The following FHOD3 variants were observed in gnomAD, a reference collection of about 807,000 sequenced individuals.
FHOD3 encodes FH1/FH2 domain-containing protein 3.
FHOD3 carries 90 observed loss-of-function variants against 173.0 expected under a neutral mutation model. The observed-to-expected ratio is 0.52, with a 90% CI of 0.44 to 0.62. The LOEUF (loss-of-function observed/expected upper bound fraction) is 0.62, where lower values mean the gene tolerates loss of function less well. Among genes scored for constraint, FHOD3 ranks in the 20% least tolerant of loss-of-function variants. The pLI is 0.00. For missense variants in FHOD3, 1,945 were observed against 2,034.7 expected (o/e 0.96, Z 0.85); for synonymous variants, 828 against 823.0 (o/e 1.01, Z -0.10).
At chr18:36,476,846 T>C (rs1204991840) in intron 3 of FHOD3, among the ~76,000 whole-genome samples, 1 of 152,192 alleles carries the variant, frequency 6.6e-6, no homozygotes, top group Non-Finnish European at 1.5e-5. Flanking sequence ...AGGGACTCTT[T>C]GAGCACTTTC....
chr18:36,354,456 A>C (rs957951887), intron 1 of FHOD3, among the ~76,000 whole-genome samples: 5 of 152,318 alleles, frequency 3.3e-5, no homozygotes, highest in African/African-American at 1.2e-4. Flanking sequence ...CCCATGTACA[A>C]ATGTTTAGAA....
intron 6 of FHOD3, among the ~76,000 whole-genome samples, chr18:36,578,546 C>G (rs985390130): frequency 6.6e-6 from 1 of 152,166 alleles, no homozygotes; most frequent in Admixed American, 6.5e-5. Context: ...CACTGCCCAC[C>G]CCCACTAGAG....
chr18:36,389,513 T>G (rs1176864397), intron 3 of FHOD3, among the ~76,000 whole-genome samples: 3 of 152,206 alleles, frequency 2.0e-5, no homozygotes, highest in Non-Finnish European at 1.5e-5. Flanking sequence ...ACTGGGCTTT[T>G]GGGCTGGACT....
intron 3 of FHOD3, among the ~76,000 whole-genome samples, chr18:36,376,510 A>T (rs1217930942): frequency 6.6e-6 from 1 of 152,216 alleles, no homozygotes; most frequent in Non-Finnish European, 1.5e-5. Context: ...CTTTAGAGGC[A>T]TTTCAGAATC....
At chr18:36,543,031 G>A (rs2057284895) in intron 5 of FHOD3, among the ~76,000 whole-genome samples, 1 of 152,088 alleles carries the variant, frequency 6.6e-6, no homozygotes, top group Non-Finnish European at 1.5e-5. Context: ...CCATTATGTG[G>A]GTGAACCACA....
intron 20 of FHOD3, 44 bp from the exon 21 acceptor site, chr18:36,740,612 T>C: frequency 6.7e-7 from 1 of 1,497,044 alleles, no homozygotes; most frequent in South Asian, 1.2e-5. Context: ...CAGGGGAGGG[T>C]CCATCACTAA....
rs1238812793 is a variant in FHOD3 at position 36,744,111 on chromosome 18, A to G, written c.3959A>G (p.His1320Arg). Residue 1320 changes from histidine to arginine, a missense_variant, in exon 23 of 29, where the codon CAT becomes CGT. His to Arg is a conservative substitution (Grantham distance 29). Coordinates refer to ENST00000590592, the MANE Select transcript of FHOD3 (RefSeq NM_001281740.3). ...DTVHKQSLLH[H>R]VCTMVVENFP... ...GTGCACAAGCAGTCGCTTCTCCACC[A>G]TGTGTGCACCATGGTGGTAGAAAAC... 1.2e-6 allele frequency: 2 copies of G among 1,614,012 alleles called. No individual in the cohort carries two copies. The highest frequency in any genetic ancestry group is 2.2e-5 in the East Asian group (1 of 44,844).
intron 3 of FHOD3, among the ~76,000 whole-genome samples, chr18:36,497,602 G>A (rs1384238109): frequency 6.6e-6 from 1 of 152,124 alleles, no homozygotes; most frequent in Non-Finnish European, 1.5e-5. Context: ...ATATTGACAG[G>A]GATGAAGAGA....
rs183199761 is a variant in FHOD3 at position 36,360,817 on chromosome 18, G to A, written c.272+5172G>A. On this transcript the variant is annotated intron_variant, in intron 2 of 28. Transcript: ENST00000590592. ...GCCTCTCAAAATATCAGGTTTGAAG[G>A]AATGAAAGCAATTTCTTCTTCTTAT... Among the ~76,000 whole-genome samples the A allele has an allele frequency of 1.4e-3, 218 of 152,308 alleles. 3 individuals carry two copies. The highest frequency in any genetic ancestry group is 5.1e-3 in the African/African-American group (211 of 41,572).
intron 5 of FHOD3, among the ~76,000 whole-genome samples, chr18:36,558,677 G>A (rs914916177): frequency 3.3e-5 from 5 of 152,034 alleles, no homozygotes; most frequent in African/African-American, 9.7e-5. Context: ...AAAGGAGAGG[G>A]GTTAAGATCA....
At chr18:36,392,518 C>T (rs1721821603) in intron 3 of FHOD3, among the ~76,000 whole-genome samples, 1 of 152,152 alleles carries the variant, frequency 6.6e-6, no homozygotes, top group African/African-American at 2.4e-5. Context: ...TGAACTGTGT[C>T]TGCTAAGAAA....
At chr18:36,469,781 C>T (rs946335486) in intron 3 of FHOD3, among the ~76,000 whole-genome samples, 4 of 147,802 alleles carry the variant, frequency 2.7e-5, no homozygotes, top group South Asian at 2.3e-4. Flanking sequence ...GAGTTGTGGG[C>T]GCTAGCAAGC....
At chr18:36,537,492 G>T (rs923692943) in intron 5 of FHOD3, among the ~76,000 whole-genome samples, 4 of 152,120 alleles carry the variant, frequency 2.6e-5, no homozygotes, top group African/African-American at 7.2e-5. Context: ...TCCACCTGGT[G>T]GTAATGGTTA....
intron 2 of FHOD3, among the ~76,000 whole-genome samples, chr18:36,369,496 C>T (rs375819402): frequency 0.083 from 8,730 of 105,612 alleles, 411 homozygotes; most frequent in South Asian, 0.22. Context: ...CACACACACA[C>T]ACATATATAT....
chr18:36,604,093 AG>A (rs1202636439), intron 8 of FHOD3, among the ~76,000 whole-genome samples: 1 of 152,082 alleles, frequency 6.6e-6, no homozygotes, highest in Non-Finnish European at 1.5e-5. Context: ...CTCTGAAACA[AG>A]GGGGCCCATG....
intron 18 of FHOD3, among the ~76,000 whole-genome samples, chr18:36,714,510 C>A (rs1350082984): frequency 6.6e-6 from 1 of 152,180 alleles, no homozygotes; most frequent in East Asian, 1.9e-4. Context: ...GCACTCCAGT[C>A]TGGGCGACAC....
intron 8 of FHOD3, among the ~76,000 whole-genome samples, chr18:36,608,775 T>TGTCAGTA (rs1393067600): frequency 6.6e-6 from 1 of 152,228 alleles, no homozygotes. Flanking sequence ...GGCTGGCTTC[T>TGTCAGTA]GTCAGTATAA....
At chr18:36,404,705 G>C (rs1309658697) in intron 3 of FHOD3, among the ~76,000 whole-genome samples, 1 of 152,124 alleles carries the variant, frequency 6.6e-6, no homozygotes, top group South Asian at 2.1e-4. Flanking sequence ...GTGGCTATTG[G>C]GGGGCTCAAG....
At chr18:36,356,030 G>A (rs80208718) in intron 2 of FHOD3, among the ~76,000 whole-genome samples, 2,126 of 152,296 alleles carry the variant, frequency 0.014, 37 homozygotes, top group African/African-American at 0.047. Flanking sequence ...CTGGGAGGCC[G>A]AGGCTGCAGT....
Sources: gnomAD v4.1 joint callset for allele counts (sites outside exome capture counted in the v4.1 genomes callset) on GRCh38, gnomAD v4.1.1 for gene constraint, MANE v1.5 for transcripts, NCBI Gene and HGNC (gene_info 2026-07-23, HGNC 2026-07-21) for gene names.